The following SBSPON variants were observed in gnomAD, a reference collection of about 807,000 sequenced individuals.
The protein encoded by SBSPON is somatomedin-B and thrombospondin type-1 domain-containing protein.
A neutral mutation model predicts 35.8 loss-of-function variants in SBSPON; 30 were observed. The observed-to-expected ratio is 0.84, with a 90% CI of 0.63 to 1.14. SBSPON has a LOEUF of 1.14. Among genes scored for constraint, SBSPON ranks in the 50% most tolerant of loss-of-function variants. The pLI is 0.00. For synonymous variants in SBSPON, 136 were observed against 135.9 expected (o/e 1.00, Z 0.00); for missense variants, 364 against 357.7 (o/e 1.02, Z -0.14).
chr8:73,086,304 G>A (rs761001966), intron 1 of SBSPON, among the ~76,000 whole-genome samples: 1 of 151,958 alleles, frequency 6.6e-6, no homozygotes, highest in East Asian at 1.9e-4. Flanking sequence ...GGGATTATAG[G>A]AGCGCACCTC....
In SBSPON at chr8:73,069,902, A is replaced by T. The variant is rs1810460452; in HGVS notation, c.580T>A (p.Tyr194Asn). Residue 194 changes from tyrosine to asparagine, a missense_variant, in exon 4 of 5, where the codon TAT becomes AAT. Transcript: ENST00000297354. ...ENWPLTRWMQYLREGYTVCVD... is the reference protein window; with the variant it reads ...ENWPLTRWMQNLREGYTVCVD... ...CACACCGTGTATCCCTCTCGGAGATACTGCATCCATCTAGTCAAGGGCCAG... is the reference window on the plus strand; with the variant it reads ...CACACCGTGTATCCCTCTCGGAGATTCTGCATCCATCTAGTCAAGGGCCAG... The T allele has an allele frequency of 6.2e-7, 1 of 1,613,054 alleles. No homozygotes were observed. Among genetic ancestry groups the T allele is most frequent in the Middle Eastern group, 1.6e-4 (1 of 6,062 alleles).
intron 1 of SBSPON, among the ~76,000 whole-genome samples, chr8:73,092,571 C>T (rs184951802): frequency 1.3e-5 from 2 of 152,148 alleles, no homozygotes; most frequent in Non-Finnish European, 2.9e-5. Flanking sequence ...TTTCGTCTCT[C>T]GGCTCCCTTC....
chr8:73,090,103 C>T (rs981155044), intron 1 of SBSPON, among the ~76,000 whole-genome samples: 2 of 152,214 alleles, frequency 1.3e-5, no homozygotes, highest in African/African-American at 4.8e-5. Flanking sequence ...GTCTCAAACT[C>T]CTGAGCTCAG....
chr8:73,071,656 T>C, intron 3 of SBSPON, 124 bp downstream of exon 3: 1 of 632,540 alleles, frequency 1.6e-6, no homozygotes, highest in Non-Finnish European at 2.8e-6. Flanking sequence ...AGAGTCCATA[T>C]TTTAGCCAAA....
chr8:73,069,519 C>G (rs937773410), intron 4 of SBSPON, among the ~76,000 whole-genome samples: 1 of 152,122 alleles, frequency 6.6e-6, no homozygotes, highest in Non-Finnish European at 1.5e-5. Context: ...GTCTACCCAC[C>G]TCGGCCTCCC....
chr8:73,077,494 C>T (rs184886707), intron 2 of SBSPON, among the ~76,000 whole-genome samples: 44 of 152,338 alleles, frequency 2.9e-4, no homozygotes, highest in Non-Finnish European at 4.9e-4. Flanking sequence ...CCCACGCCAA[C>T]CTATGTTTCC....
chr8:73,079,438 T>G (rs1485349823), intron 2 of SBSPON, among the ~76,000 whole-genome samples: 1 of 152,118 alleles, frequency 6.6e-6, no homozygotes. Context: ...TTCGCTGTGC[T>G]ACTGCCTCTC....
At chr8:73,088,107 C>CT (rs1810868343) in intron 1 of SBSPON, among the ~76,000 whole-genome samples, 1 of 152,146 alleles carries the variant, frequency 6.6e-6, no homozygotes, top group East Asian at 1.9e-4. Flanking sequence ...TGAGATCATT[C>CT]CAGAACAGAT....
intron 1 of SBSPON, among the ~76,000 whole-genome samples, chr8:73,089,900 G>T (rs950622376): frequency 2.0e-5 from 3 of 152,034 alleles, no homozygotes; most frequent in Non-Finnish European, 4.4e-5. Context: ...TTGAGACAGG[G>T]TCTTACTCTG....
At position 73,071,880 on chromosome 8, in the gene SBSPON, G is replaced by A; in HGVS notation, c.410-10C>T. 1 of 1,578,252 alleles carries A rather than the reference G, an allele frequency of 6.3e-7. No homozygotes were observed. Among genetic ancestry groups the A allele is most frequent in the Non-Finnish European group, 8.7e-7 (1 of 1,147,770 alleles). Reference sequence around the variant, plus strand: ...GTTATAAAGGCAGGAACTGGAAAAGGGAGATTTCTGTTGAATTCAGGGAGC... The same window carrying A: ...GTTATAAAGGCAGGAACTGGAAAAGAGAGATTTCTGTTGAATTCAGGGAGC... On this transcript the variant is annotated splice_polypyrimidine_tract_variant and intron_variant, in intron 2 of 4. Coordinates refer to ENST00000297354, the MANE Select transcript of SBSPON (RefSeq NM_153225.4).
At chr8:73,082,908 C>G (rs367643621) in intron 1 of SBSPON, among the ~76,000 whole-genome samples, 1 of 152,194 alleles carries the variant, frequency 6.6e-6, no homozygotes, top group African/African-American at 2.4e-5. Flanking sequence ...TTGAACAACA[C>G]TTAATATTGC....
At chr8:73,081,269 C>T (rs1326694484) in intron 1 of SBSPON, 56 bp from the exon 2 acceptor site, 2 of 1,415,870 alleles carry the variant, frequency 1.4e-6, no homozygotes, top group Non-Finnish European at 1.9e-6. Context: ...GGCTGGCAGG[C>T]TGTTCCCGCC....
intron 3 of SBSPON, 71 bp from the exon 4 acceptor site, chr8:73,070,052 A>G (rs750840515): frequency 1.1e-4 from 105 of 999,240 alleles, no homozygotes; most frequent in Non-Finnish European, 1.5e-4. Flanking sequence ...AAGTCTTAGA[A>G]AGCCTGTCAC....
intron 1 of SBSPON, among the ~76,000 whole-genome samples, chr8:73,092,478 C>T (rs895015304): frequency 6.6e-6 from 1 of 152,238 alleles, no homozygotes; most frequent in Non-Finnish European, 1.5e-5. Context: ...TGGAGCCTGG[C>T]CCAGGGGCAT....
At chr8:73,076,942 T>C (rs184579624) in intron 2 of SBSPON, among the ~76,000 whole-genome samples, 136 of 152,256 alleles carry the variant, frequency 8.9e-4, no homozygotes, top group African/African-American at 3.2e-3. Context: ...GTTTCGCTCT[T>C]GTTGCCCAGA....
chr8:73,080,812 G>A (rs557430830), intron 2 of SBSPON, among the ~76,000 whole-genome samples: 1 of 152,284 alleles, frequency 6.6e-6, no homozygotes. Flanking sequence ...ACCAAGGGAA[G>A]TGAGGGAAAG....
At position 73,064,668 on chromosome 8, in the gene SBSPON, A is replaced by G. The variant is rs1467421631; in HGVS notation, c.*2673T>C. ...ATTATTGCTGTTGCGGTTTATGCTT[A>G]ATTGTAACATTCTCGAATAAAAACC... On this transcript the variant is annotated 3_prime_UTR_variant, in exon 5 of 5. Transcript: ENST00000297354. 1.3e-5 allele frequency: 2 copies of G among 152,222 alleles called. No individual in the cohort carries two copies. The highest frequency in any genetic ancestry group is 2.9e-5 in the Non-Finnish European group (2 of 68,036). 9.4% of individuals were successfully genotyped at this position (152,222 alleles called of 1,614,324 possible).
intron 2 of SBSPON, among the ~76,000 whole-genome samples, chr8:73,080,165 A>G (rs1016260268): frequency 2.0e-5 from 3 of 152,134 alleles, no homozygotes; most frequent in African/African-American, 7.2e-5. Flanking sequence ...TTTTCAAATT[A>G]CATTAGCCCC....
chr8:73,072,139 A>C (rs1472989727), intron 2 of SBSPON, among the ~76,000 whole-genome samples: 2 of 152,162 alleles, frequency 1.3e-5, no homozygotes, highest in African/African-American at 4.8e-5. Context: ...GGCCAGGAGG[A>C]AAAACCAGAA....
Sources: allele counts gnomAD v4.1 joint callset (sites outside exome capture counted in the v4.1 genomes callset), GRCh38; gene constraint gnomAD v4.1.1; transcripts MANE v1.5; gene names NCBI Gene and HGNC (gene_info 2026-07-23, HGNC 2026-07-21).